Variants in CLVS1 observed in about 807,000 individuals in gnomAD.
The protein encoded by CLVS1 is clavesin 1.
A neutral mutation model predicts 33.1 loss-of-function variants in CLVS1; 10 were observed. The observed-to-expected ratio is 0.30, with a 90% CI of 0.19 to 0.51. The LOEUF (loss-of-function observed/expected upper bound fraction) is 0.51, where lower values mean the gene tolerates loss of function less well. Ranked by LOEUF, CLVS1 falls within the 20% of genes least tolerant of loss-of-function variation. The pLI, the probability that CLVS1 is intolerant of heterozygous loss-of-function variation, is 0.97. For missense variants in CLVS1, 343 were observed against 433.4 expected (o/e 0.79, Z 1.85); for synonymous variants, 163 against 166.1 (o/e 0.98, Z 0.14).
chr8:61,022,376 A>T, the CLVS1 span, among the ~76,000 whole-genome samples: 1 of 152,210 alleles, frequency 6.6e-6, no homozygotes, highest in Admixed American at 6.5e-5. Flanking sequence ...GATCTCTAGC[A>T]TATTTGTATC....
chr8:61,356,403 A>C (rs1333255627), intron 2 of CLVS1, among the ~76,000 whole-genome samples: 1 of 151,954 alleles, frequency 6.6e-6, no homozygotes, highest in African/African-American at 2.4e-5. Context: ...TGCTATGCAG[A>C]AGCTCTTTTG....
chr8:61,382,293 C>T (rs1033976519), intron 3 of CLVS1, among the ~76,000 whole-genome samples: 2 of 152,168 alleles, frequency 1.3e-5, no homozygotes, highest in Non-Finnish European at 2.9e-5. Flanking sequence ...GCAGTCCATA[C>T]ATCAGATATG....
In CLVS1 at chr8:61,383,637, C is replaced by T. The variant is rs141041397; in HGVS notation, c.630+6858C>T. ...AATATTAGAGGAATAAATATCTCCT[C>T]CAATGCTCTACCTTATTAAGTATCA... On this transcript the variant is annotated intron_variant, in intron 3 of 5. Coordinates refer to ENST00000325897, the MANE Select transcript of CLVS1 (RefSeq NM_173519.3). 3.9e-3 allele frequency among the ~76,000 whole-genome samples: 597 copies of T among 152,296 alleles called. 2 individuals are homozygous for T. The highest frequency in any genetic ancestry group is 0.014 in the African/African-American group (573 of 41,570).
Position 61,236,823 on chromosome 8 carries a change from G to T in CLVS1, c.-151-62854G>T, listed in dbSNP as rs1455882353. 2.0e-5 allele frequency among the ~76,000 whole-genome samples: 3 copies of T among 152,164 alleles called. No individual in the cohort carries two copies. In the East Asian group the frequency reaches 5.8e-4, roughly 29 times the overall value. On this transcript the variant is annotated intron_variant, in intron 2 of 2. Coordinates refer to the CLVS1 transcript ENST00000522621. Reference sequence around the variant, plus strand: ...TCAAGAGAGCTGAGTCGCTTCCCCAGGTCACAGAGCTGGCGCAGGGAATTA... The same window carrying T: ...TCAAGAGAGCTGAGTCGCTTCCCCATGTCACAGAGCTGGCGCAGGGAATTA...
At chr8:61,198,550 T>G (rs1387393140) in intron 2 of CLVS1, among the ~76,000 whole-genome samples, 1 of 152,156 alleles carries the variant, frequency 6.6e-6, no homozygotes, top group African/African-American at 2.4e-5. Flanking sequence ...TGTCTAATTT[T>G]TGTATTTTTA....
At chr8:61,312,861 A>T (rs1414298540) in intron 2 of CLVS1, among the ~76,000 whole-genome samples, 1 of 152,192 alleles carries the variant, frequency 6.6e-6, no homozygotes, top group Non-Finnish European at 1.5e-5. Flanking sequence ...TGTGCCACTT[A>T]ATCTCTGATG....
At chr8:61,286,549 G>T (rs1354030821), upstream of CLVS1, among the ~76,000 whole-genome samples, 1 of 152,178 alleles carries the variant, frequency 6.6e-6, no homozygotes, top group Non-Finnish European at 1.5e-5. Context: ...AAGCTATGTT[G>T]TTCCAGGCAT....
chr8:61,261,066 T>A (rs73684477), intron 2 of CLVS1, among the ~76,000 whole-genome samples: 9,112 of 152,242 alleles, frequency 0.06, 446 homozygotes, highest in African/African-American at 0.13. Context: ...AAAAGTTAGT[T>A]TTATATCTTT....
the CLVS1 span, among the ~76,000 whole-genome samples, chr8:61,043,383 T>C: frequency 6.6e-6 from 1 of 152,198 alleles, no homozygotes; most frequent in African/African-American, 2.4e-5. Context: ...AACTGACACA[T>C]GACGCAGAGG....
At chr8:61,291,409 T>G (rs1241848218) in intron 1 of CLVS1, among the ~76,000 whole-genome samples, 1 of 152,238 alleles carries the variant, frequency 6.6e-6, no homozygotes, top group Non-Finnish European at 1.5e-5. Flanking sequence ...ACTCCTTTTC[T>G]ATCTATGCTC....
At chr8:61,319,524 C>T (rs1369678526) in intron 2 of CLVS1, among the ~76,000 whole-genome samples, 1 of 152,082 alleles carries the variant, frequency 6.6e-6, no homozygotes, top group Non-Finnish European at 1.5e-5. Context: ...AGTTTCAGTC[C>T]CAAGGCCTTG....
At chr8:61,140,729 A>T (rs988334847) in intron 2 of CLVS1, among the ~76,000 whole-genome samples, 14 of 149,208 alleles carry the variant, frequency 9.4e-5, no homozygotes, top group Middle Eastern at 3.4e-3. Context: ...GCCCGGCTAA[A>T]TTTTTTTTTT....
intron 1 of CLVS1, chr8:61,091,023 G>C: frequency 2.2e-6 from 1 of 451,362 alleles, no homozygotes; most frequent in Non-Finnish European, 4.3e-6. Context: ...CTAATCCCCA[G>C]AACCTGTGCC....
chr8:61,039,092 C>A, the CLVS1 span, among the ~76,000 whole-genome samples: 1 of 152,142 alleles, frequency 6.6e-6, no homozygotes, highest in Non-Finnish European at 1.5e-5. Context: ...GCCTCTTGGT[C>A]TGAGGCTGGC....
At chr8:61,428,181 T>G (rs1815965511) in intron 3 of CLVS1, among the ~76,000 whole-genome samples, 1 of 152,350 alleles carries the variant, frequency 6.6e-6, no homozygotes, top group Admixed American at 6.5e-5. Flanking sequence ...AAGTCACAAC[T>G]GAGTCCACCT....
intron 2 of CLVS1, among the ~76,000 whole-genome samples, chr8:61,323,381 G>A (rs1242248722): frequency 2.0e-5 from 3 of 152,172 alleles, no homozygotes; most frequent in African/African-American, 7.2e-5. Flanking sequence ...GATACAAGGG[G>A]TAAGGAAGTC....
At chr8:61,301,020 A>G (rs988130743) in intron 2 of CLVS1, 4 of 152,180 alleles carry the variant, frequency 2.6e-5, no homozygotes, top group Non-Finnish European at 5.9e-5. Flanking sequence ...TCATTGTTGC[A>G]ACAGCTTCTT....
the CLVS1 span, among the ~76,000 whole-genome samples, chr8:61,005,705 G>A: frequency 6.6e-6 from 1 of 152,098 alleles, no homozygotes; most frequent in East Asian, 1.9e-4. Context: ...TTATTAACCC[G>A]AGCATAATGC....
chr8:61,388,423 C>A (rs186713684), intron 3 of CLVS1, among the ~76,000 whole-genome samples: 1 of 150,756 alleles, frequency 6.6e-6, no homozygotes, highest in Non-Finnish European at 1.5e-5. Flanking sequence ...AGATCTGAAA[C>A]GATTAATGTC....
Sources: gnomAD v4.1 joint callset for allele counts (sites outside exome capture counted in the v4.1 genomes callset) on GRCh38, gnomAD v4.1.1 for gene constraint, MANE v1.5 for transcripts, NCBI Gene and HGNC (gene_info 2026-07-23, HGNC 2026-07-21) for gene names.